The following ABLIM1 variants were observed in gnomAD, a reference collection of about 807,000 sequenced individuals.
ABLIM1 encodes actin-binding LIM protein 1.
Under a neutral mutation model 107.0 loss-of-function variants are expected in ABLIM1, and 40 were observed. The observed-to-expected ratio is 0.37, with a 90% CI of 0.29 to 0.49. The LOEUF is 0.49. ABLIM1 is among the 20% of genes least tolerant of loss of function. The probability of loss-of-function intolerance (pLI) is 0.97; values close to 1 mark genes in which losing one functional copy is unlikely to be tolerated. For synonymous variants in ABLIM1, 357 were observed against 357.3 expected, an observed-to-expected ratio of 1.00 and a Z score of 0.01; for missense variants, 857 against 1,008.5, an observed-to-expected ratio of 0.85 and a Z score of 2.04.
chr10:114,518,285 A>T (rs541708282), intron 6 of ABLIM1, among the ~76,000 whole-genome samples: 9 of 152,218 alleles, frequency 5.9e-5, no homozygotes, highest in African/African-American at 2.2e-4. Context: ...CCCAACTCTC[A>T]ACAATAGCTA....
chr10:114,512,190 G>A (rs940015027), intron 6 of ABLIM1, among the ~76,000 whole-genome samples: 3 of 152,180 alleles, frequency 2.0e-5, no homozygotes, highest in African/African-American at 7.2e-5. Flanking sequence ...CCAAACAAAA[G>A]GATGTTTTTT....
At chr10:114,550,988 G>A (rs1307906380) in intron 4 of ABLIM1, among the ~76,000 whole-genome samples, 1 of 152,226 alleles carries the variant, frequency 6.6e-6, no homozygotes, top group Non-Finnish European at 1.5e-5. Context: ...TGACAGAGCT[G>A]TTTGCAGTCT....
intron 7 of ABLIM1, among the ~76,000 whole-genome samples, chr10:114,491,012 G>GTGTATATA: frequency 2.4e-4 from 22 of 92,368 alleles, no homozygotes; most frequent in African/African-American, 5.1e-4. Context: ...GTGTGTGTGT[G>GTGTATATA]TATATATATA....
At chr10:114,495,285 C>A (rs2059516358) in intron 6 of ABLIM1, among the ~76,000 whole-genome samples, 1 of 152,126 alleles carries the variant, frequency 6.6e-6, no homozygotes, top group Non-Finnish European at 1.5e-5. Context: ...AGCTGTGACA[C>A]CTGAACTAGA....
intron 3 of ABLIM1, 41 bp downstream of exon 3, chr10:114,575,374 GT>G (rs1296507290): frequency 6.3e-7 from 1 of 1,597,018 alleles, no homozygotes; most frequent in Admixed American, 1.7e-5. Context: ...GCATTTCTCT[GT>G]TGGAGGAAGG....
At chr10:114,771,300 C>T (rs1293829123), upstream of ABLIM1, among the ~76,000 whole-genome samples, 1 of 152,172 alleles carries the variant, frequency 6.6e-6, no homozygotes, top group East Asian at 1.9e-4. Context: ...ATAAAATTCA[C>T]TCCTAGATGT....
At chr10:114,617,893 C>T (rs746069550) in intron 1 of ABLIM1, among the ~76,000 whole-genome samples, 21 of 152,074 alleles carry the variant, frequency 1.4e-4, no homozygotes, top group Non-Finnish European at 2.8e-4. Context: ...GCAGTAGGAT[C>T]GCTTGAGCTC....
intron 1 of ABLIM1, among the ~76,000 whole-genome samples, chr10:114,716,113 T>G (rs2081654936): frequency 6.6e-6 from 1 of 151,484 alleles, no homozygotes; most frequent in African/African-American, 2.5e-5. Flanking sequence ...GAAATCTCTC[T>G]GGCACTCTGA....
At chr10:114,720,446 C>A (rs1324835723) in intron 1 of ABLIM1, among the ~76,000 whole-genome samples, 1 of 152,116 alleles carries the variant, frequency 6.6e-6, no homozygotes, top group Non-Finnish European at 1.5e-5. Flanking sequence ...GAGGAATCAC[C>A]ACACTGTCTT....
intron 1 of ABLIM1, among the ~76,000 whole-genome samples, chr10:114,626,720 G>A (rs1019360453): frequency 3.9e-5 from 6 of 152,122 alleles, no homozygotes; most frequent in African/African-American, 1.2e-4. Context: ...ATTGAAGTCC[G>A]AACCCCCAGT....
intron 1 of ABLIM1, among the ~76,000 whole-genome samples, chr10:114,725,712 T>G (rs546717351): frequency 2.9e-4 from 44 of 149,954 alleles, no homozygotes; most frequent in African/African-American, 1.1e-3. Context: ...ATAATATATA[T>G]ATTTACATAT....
chr10:114,488,081 G>A, intron 7 of ABLIM1, 65 bp from the exon 8 acceptor site: 1 of 1,526,818 alleles, frequency 6.5e-7, no homozygotes, highest in East Asian at 2.3e-5. Context: ...CTCTGAGACA[G>A]CACTTCTGAG....
chr10:114,490,659 T>C (rs1006052317), intron 7 of ABLIM1, among the ~76,000 whole-genome samples: 4 of 152,104 alleles, frequency 2.6e-5, no homozygotes, highest in Non-Finnish European at 4.4e-5. Flanking sequence ...CAGATGGTGC[T>C]GTTTGACTAG....
chr10:114,594,194 C>T (rs916599323), intron 2 of ABLIM1, among the ~76,000 whole-genome samples: 1 of 152,194 alleles, frequency 6.6e-6, no homozygotes, highest in African/African-American at 2.4e-5. Context: ...TCCAGTCTGT[C>T]CCTGTGAGCC....
At chr10:114,633,611 G>A (rs1293441254) in intron 1 of ABLIM1, among the ~76,000 whole-genome samples, 1 of 152,166 alleles carries the variant, frequency 6.6e-6, no homozygotes, top group Admixed American at 6.5e-5. Flanking sequence ...TGTAAGCACT[G>A]AAGAGCGTTT....
At chr10:114,791,983 C>T in the ABLIM1 span, among the ~76,000 whole-genome samples, 1 of 152,174 alleles carries the variant, frequency 6.6e-6, no homozygotes, top group Non-Finnish European at 1.5e-5. Context: ...CTTAGCAATT[C>T]TATAATCCCC....
chr10:114,791,076 C>T, the ABLIM1 span, among the ~76,000 whole-genome samples: 44 of 151,990 alleles, frequency 2.9e-4, no homozygotes, highest in Non-Finnish European at 4.6e-4. Context: ...TTTATTTATT[C>T]ATTTATTTAT....
At chr10:114,579,235 C>A (rs1188219691) in intron 2 of ABLIM1, among the ~76,000 whole-genome samples, 1 of 152,110 alleles carries the variant, frequency 6.6e-6, no homozygotes, top group East Asian at 1.9e-4. Flanking sequence ...AGGAAACAAT[C>A]TAAACTTTCA....
intron 4 of ABLIM1, among the ~76,000 whole-genome samples, chr10:114,550,804 C>G (rs2067969370): frequency 6.6e-6 from 1 of 152,162 alleles, no homozygotes; most frequent in South Asian, 2.1e-4. Flanking sequence ...ATTTTTTAAT[C>G]CAAGTCTAAC....
Sources: gnomAD v4.1 joint callset for allele counts (sites outside exome capture counted in the v4.1 genomes callset) on GRCh38, gnomAD v4.1.1 for gene constraint, MANE v1.5 for transcripts, NCBI Gene and HGNC (gene_info 2026-07-23, HGNC 2026-07-21) for gene names.